PIGF: variants seen among roughly 807,000 people sequenced by gnomAD.
PIGF encodes the protein phosphatidylinositol glycan anchor biosynthesis class F, also known as GPI ethanolamine phosphate transferase, stabilizing subunit.
A neutral mutation model predicts 26.0 loss-of-function variants in PIGF; 23 were observed. The ratio of observed to expected loss-of-function variants is 0.88; its 90% CI spans 0.64 to 1.25. The LOEUF (loss-of-function observed/expected upper bound fraction) is 1.25, where lower values mean the gene tolerates loss of function less well. Ranked by LOEUF, PIGF falls within the 50% of genes most tolerant of loss-of-function variation. PIGF has a pLI of 0.00. For synonymous variants in PIGF, 93 were observed against 92.6 expected (o/e 1.00, Z -0.03); for missense variants, 278 against 249.9 (o/e 1.11, Z -0.76).
chr2:46,599,069 G>A (rs1453554656), intron 4 of PIGF, among the ~76,000 whole-genome samples: 1 of 152,216 alleles, frequency 6.6e-6, no homozygotes, highest in Non-Finnish European at 1.5e-5. Flanking sequence ...CCAACCAGGG[G>A]AAAGGGGCTA....
In PIGF at chr2:46,589,622, T is replaced by C. The variant is rs571341039; in HGVS notation, c.546+2853A>G. ...AAAAGCTTGCTTTACCACAAGCAGA[T>C]CAAATCGGTATTGGGCTACAAGGAA... On this transcript the variant is annotated intron_variant, in intron 5 of 5. Transcript: ENST00000281382. The surrounding 1 kb of genome is among the most constrained non-coding windows in gnomAD (Gnocchi z 4.7). Among the ~76,000 whole-genome samples, 1 of 152,000 alleles carries C rather than the reference T, an allele frequency of 6.6e-6. No homozygotes were observed. Among genetic ancestry groups the C allele is most frequent in the Non-Finnish European group, 1.5e-5 (1 of 67,900 alleles).
At chr2:46,610,861 G>A (rs868455875) in intron 4 of PIGF, among the ~76,000 whole-genome samples, 10 of 152,054 alleles carry the variant, frequency 6.6e-5, no homozygotes, top group South Asian at 6.2e-4. Flanking sequence ...GGAATAAGTC[G>A]GTAATTTATG....
chr2:46,616,828 C>G, intron 1 of PIGF, 142 bp downstream of exon 1: 1 of 251,864 alleles, frequency 4.0e-6, no homozygotes, highest in East Asian at 1.3e-4. Flanking sequence ...GTCTGTCCAT[C>G]AGGGCACGCC....
At chr2:46,607,173 CCAGCTACCTCA>C (rs1163026152) in intron 4 of PIGF, among the ~76,000 whole-genome samples, 1 of 152,126 alleles carries the variant, frequency 6.6e-6, no homozygotes, top group East Asian at 1.9e-4. Flanking sequence ...TAACCACCTC[CCAGCTACCTCA>C]GTTTACTACG....
intron 2 of PIGF, 51 bp from the exon 3 acceptor site, chr2:46,613,836 A>G (rs868185934): frequency 2.1e-6 from 3 of 1,439,238 alleles, no homozygotes; most frequent in Middle Eastern, 3.5e-4. Context: ...TTAAAGGACA[A>G]TAAATTCTTC....
chr2:46,607,278 C>A (rs1350611792), intron 4 of PIGF, among the ~76,000 whole-genome samples: 2 of 152,180 alleles, frequency 1.3e-5, no homozygotes, highest in African/African-American at 4.8e-5. Context: ...CAATAACTCA[C>A]AATAGGCAAC....
At chr2:46,582,833 C>T (rs58640619) in intron 5 of PIGF, 1 of 152,550 alleles carries the variant, frequency 6.6e-6, no homozygotes, top group Non-Finnish European at 1.5e-5. Context: ...GCATCACCTT[C>T]CCATTGAAGA....
chr2:46,594,943 C>T (rs1372689230), intron 4 of PIGF, among the ~76,000 whole-genome samples: 1 of 151,760 alleles, frequency 6.6e-6, no homozygotes, highest in Non-Finnish European at 1.5e-5. Flanking sequence ...GTCCGCCTCC[C>T]GGATTCAAGG....
chr2:46,583,827 C>A (rs1425323039), intron 5 of PIGF, among the ~76,000 whole-genome samples: 1 of 152,164 alleles, frequency 6.6e-6, no homozygotes, highest in Non-Finnish European at 1.5e-5. Context: ...TACAAATACA[C>A]TGCCTCAAAT....
In PIGF at chr2:46,581,325, C is replaced by T; in HGVS notation, c.*153G>A. The T allele has an allele frequency of 8.4e-7, 1 of 1,190,942 alleles. No individual in the cohort carries two copies. The highest frequency in any genetic ancestry group is 1.6e-5 in the South Asian group (1 of 61,126). 73.8% of individuals were successfully genotyped at this position (1,190,942 alleles called of 1,614,324 possible). ...TTATTTCAACTAGAAGGTACAATCT[C>T]TCAGGGGTTTCATAGTTTAAAAAGC... is the stretch of plus-strand genomic sequence containing the variant. On this transcript the variant is annotated 3_prime_UTR_variant, in exon 6 of 6. Transcript: ENST00000281382.
At chr2:46,613,869 T>A in intron 2 of PIGF, 84 bp from the exon 3 acceptor site, 2 of 1,163,758 alleles carry the variant, frequency 1.7e-6, no homozygotes, top group Non-Finnish European at 2.5e-6. Flanking sequence ...AAACACAACT[T>A]GTTCCCATAA....
intron 5 of PIGF, among the ~76,000 whole-genome samples, chr2:46,590,605 T>G (rs1669697264): frequency 6.6e-6 from 1 of 152,214 alleles, no homozygotes; most frequent in South Asian, 2.1e-4. Flanking sequence ...TCTATTTAGA[T>G]TTAATTGCAT....
chr2:46,609,308 A>G (rs1415101092), intron 4 of PIGF, among the ~76,000 whole-genome samples: 1 of 152,196 alleles, frequency 6.6e-6, no homozygotes, highest in Non-Finnish European at 1.5e-5. Flanking sequence ...AAATGAAGAG[A>G]GTGAGAGGCT....
Position 46,612,284 on chromosome 2 carries a change from G to T in PIGF, c.381C>A (p.Cys127Ter). The part of the protein sequence containing the change: ...VILSTFTTVP[C>*]LCLLGPNLKA... ...TGAGGTTTGGTCCTAACAAACATAA[G>T]CAAGGCACAGTAGTAAAAGTAGACA... The change falls in exon 4 of 6, where the codon TGC becomes TGA. Residue 127 changes from cysteine to a stop codon, truncating the protein, a stop_gained. Transcript: ENST00000281382. LOFTEE classifies it high-confidence loss of function. 6.7e-7 allele frequency: 1 copy of T among 1,486,574 alleles called. No individual in the cohort carries two copies. Among genetic ancestry groups the T allele is most frequent in the South Asian group, 1.4e-5 (1 of 72,824 alleles). 92.1% of individuals were successfully genotyped at this position (1,486,574 alleles called of 1,614,324 possible). A position where few individuals can be genotyped will look rare whatever the true frequency, so the allele number is the denominator to read the frequency against.
At chr2:46,606,874 G>A (rs746420479) in intron 4 of PIGF, among the ~76,000 whole-genome samples, 3 of 152,038 alleles carry the variant, frequency 2.0e-5, no homozygotes, top group Non-Finnish European at 4.4e-5. Flanking sequence ...CTGATAAATG[G>A]GTAAACAAAA....
intron 3 of PIGF, 143 bp downstream of exon 3, chr2:46,613,551 T>C: frequency 1.7e-6 from 1 of 585,752 alleles, no homozygotes; most frequent in Non-Finnish European, 3.0e-6. Context: ...TAAAAAAGAA[T>C]AACACTGCTA....
intron 4 of PIGF, 118 bp from the exon 5 acceptor site, chr2:46,592,701 T>A: frequency 3.3e-6 from 2 of 606,464 alleles, no homozygotes; most frequent in Non-Finnish European, 6.1e-6. Context: ...AAAATGAAAA[T>A]CTCAAAATGA....
At chr2:46,585,420 A>T (rs1258808648) in intron 5 of PIGF, among the ~76,000 whole-genome samples, 4 of 152,192 alleles carry the variant, frequency 2.6e-5, no homozygotes, top group Admixed American at 6.5e-5. Context: ...GAAGAAGAAA[A>T]ATCTAATTAA....
At chr2:46,596,893 C>A (rs1417650759) in intron 4 of PIGF, among the ~76,000 whole-genome samples, 1 of 152,196 alleles carries the variant, frequency 6.6e-6, no homozygotes, top group Non-Finnish European at 1.5e-5. Context: ...GTGAACCACA[C>A]AGTAAACCAC....
Sources: allele counts gnomAD v4.1 joint callset (sites outside exome capture counted in the v4.1 genomes callset), GRCh38; gene constraint gnomAD v4.1.1; non-coding constraint Gnocchi (gnomAD v3.1); transcripts MANE v1.5; gene names NCBI Gene and HGNC (gene_info 2026-07-23, HGNC 2026-07-21).